The following FRMPD1 variants were observed in gnomAD, a reference collection of about 807,000 sequenced individuals.
FRMPD1 encodes the protein FERM and PDZ domain-containing protein 1.
In FRMPD1, 76 loss-of-function variants were observed where a neutral mutation model predicts 117.8. The observed-to-expected ratio is 0.65, with a 90% CI of 0.54 to 0.78. The LOEUF (loss-of-function observed/expected upper bound fraction) is 0.78. FRMPD1 is among the 30% of genes least tolerant of loss of function. The pLI is 0.00. For synonymous variants in FRMPD1, 783 were observed against 770.4 expected (o/e 1.02, Z -0.27); for missense variants, 1,786 against 1,964.5 (o/e 0.91, Z 1.72).
At chr9:37,735,116 T>C (rs1824060171) in intron 12 of FRMPD1, among the ~76,000 whole-genome samples, 1 of 152,086 alleles carries the variant, frequency 6.6e-6, no homozygotes, top group Non-Finnish European at 1.5e-5. Flanking sequence ...TCAGTGCTAG[T>C]AGAGAAGTAA....
chr9:37,740,112 G>C lies in FRMPD1; in HGVS notation c.1584G>C (p.Glu528Asp), dbSNP rs558698683. The stretch of plus-strand genomic sequence containing the variant: ...CCAGGGCCTGCAGTGACTCAGAGGA[G>C]TCCTCTGAGGTGGACTGCGTACTCG... ...YESRACSDSE[E>D]SSEVDCVLEP... is the part of the protein sequence containing the mutation. The change falls in exon 15 of 16, where the codon GAG becomes GAC. Residue 528 changes from glutamate to aspartate, a missense_variant. Coordinates refer to ENST00000377765, the MANE Select transcript of FRMPD1 (RefSeq NM_014907.3). The surrounding 1 kb of genome is among the most constrained non-coding windows in gnomAD (Gnocchi z 4.2). 6.2e-7 allele frequency: 1 copy of C among 1,610,560 alleles called. No individual in the cohort carries two copies. Among genetic ancestry groups the C allele is most frequent in the East Asian group, 2.2e-5 (1 of 44,868 alleles).
chr9:37,726,999 G>A (rs1037890809), intron 7 of FRMPD1, among the ~76,000 whole-genome samples: 11 of 152,188 alleles, frequency 7.2e-5, no homozygotes, highest in Admixed American at 6.5e-4. Flanking sequence ...CAAGAGTGAT[G>A]TGTGAAGGCA....
chr9:37,633,592 C>A, the FRMPD1 span, among the ~76,000 whole-genome samples: 279 of 152,318 alleles, frequency 1.8e-3, 7 homozygotes, highest in South Asian at 0.057. Flanking sequence ...GGTGCAGTGG[C>A]TCACGCCTAG....
intron 12 of FRMPD1, 34 bp from the exon 13 acceptor site, chr9:37,735,518 G>A (rs577256514): frequency 5.9e-6 from 9 of 1,516,516 alleles, no homozygotes; most frequent in South Asian, 5.7e-5. Context: ...ACTCGCTTGC[G>A]AATGGAGACT....
chr9:37,745,965 G>T lies in FRMPD1; in HGVS notation c.3933G>T (p.Arg1311Ser), dbSNP rs748281395. 1.2e-6 allele frequency: 2 copies of T among 1,614,216 alleles called. No individual in the cohort carries two copies. The highest frequency in any genetic ancestry group is 2.2e-5 in the East Asian group (1 of 44,888). ...ATCCTGAAGTCTCTGCCAGTCTCAGGGTGGCCACATCTTTGGGTTTTGCAG... is the reference window on the plus strand; with the variant it reads ...ATCCTGAAGTCTCTGCCAGTCTCAGTGTGGCCACATCTTTGGGTTTTGCAG... ...ESHPEVSASL[R>S]VATSLGFAGM... Residue 1311 changes from arginine to serine, a missense_variant, in exon 16 of 16, where the codon AGG becomes AGT. By Grantham distance (110) the Arg-to-Ser change is moderately radical (BLOSUM62 -1). Coordinates refer to ENST00000377765, the MANE Select transcript of FRMPD1 (RefSeq NM_014907.3).
In FRMPD1 at chr9:37,745,274, AGCC is replaced by A; in HGVS notation, c.3243_3245del (p.Glu1081_Pro1082delinsAsp). 1 of 1,612,488 alleles carries A rather than the reference AGCC, an allele frequency of 6.2e-7. No homozygotes were observed. Among genetic ancestry groups the A allele is most frequent in the Non-Finnish European group, 8.5e-7 (1 of 1,178,470 alleles). ...GAGCCTTTGTTGTCTCCTAGAGATG[AGCC>A]TAGAAGTGATGAATGTGGAATAAAT... is the stretch of plus-strand genomic sequence containing the variant. On this transcript the variant is annotated inframe_deletion, in exon 16 of 16. Transcript: ENST00000377765.
chr9:37,699,169 G>A (rs564216770), intron 2 of FRMPD1, among the ~76,000 whole-genome samples: 1 of 151,612 alleles, frequency 6.6e-6, no homozygotes. Flanking sequence ...ACCGTGACCA[G>A]CCTCATTACC....
Position 37,735,678 on chromosome 9 carries a change from C to G in FRMPD1, c.1345C>G (p.Leu449Val), listed in dbSNP as rs1462941514. 1 of 1,613,782 alleles carries G rather than the reference C, an allele frequency of 6.2e-7. No individual in the cohort carries two copies. Among genetic ancestry groups the G allele is most frequent in the African/African-American group, 1.3e-5 (1 of 74,874 alleles). The change falls in exon 13 of 16, where the codon CTA becomes GTA. Residue 449 changes from leucine (L) to valine (V), a missense_variant. By Grantham distance (32) the Leu-to-Val change is conservative. Coordinates refer to ENST00000377765, the MANE Select transcript of FRMPD1 (RefSeq NM_014907.3). ...GTTTGCAAACATCAGCCGTGTAGAG[C>G]TAACGGAAGAGTCTGAGAAAGTGAG... Reference protein sequence around the residue: ...AEFANISRVELTEESEKVSVV... With the variant: ...AEFANISRVEVTEESEKVSVV...
chr9:37,638,064 C>T, the FRMPD1 span, among the ~76,000 whole-genome samples: 253 of 86,572 alleles, frequency 2.9e-3, 3 homozygotes, highest in African/African-American at 0.01. Context: ...TCTTTCTTTC[C>T]TTCTTTTCTT....
chr9:37,618,437 A>T, the FRMPD1 span, among the ~76,000 whole-genome samples: 1 of 151,696 alleles, frequency 6.6e-6, no homozygotes, highest in Admixed American at 6.6e-5. Context: ...GGAATACTAC[A>T]CTCATCCCGA....
intron 6 of FRMPD1, among the ~76,000 whole-genome samples, chr9:37,721,826 A>T (rs1003638903): frequency 2.0e-5 from 3 of 152,250 alleles, no homozygotes; most frequent in Non-Finnish European, 2.9e-5. Context: ...AAAATTATGA[A>T]CATTAAGCCC....
chr9:37,737,379 T>C, intron 14 of FRMPD1, 136 bp downstream of exon 14: 1 of 667,246 alleles, frequency 1.5e-6, no homozygotes, highest in Non-Finnish European at 2.5e-6. Context: ...TTTCTCTGTT[T>C]ATTTCCTAGT....
chr9:37,699,904 C>T (rs944924899), intron 2 of FRMPD1, among the ~76,000 whole-genome samples: 7 of 147,850 alleles, frequency 4.7e-5, no homozygotes, highest in Admixed American at 1.3e-4. Flanking sequence ...TGCATGCACG[C>T]ACACACACAC....
intron 10 of FRMPD1, among the ~76,000 whole-genome samples, chr9:37,732,801 T>C (rs1823949232): frequency 6.6e-6 from 1 of 152,192 alleles, no homozygotes; most frequent in Non-Finnish European, 1.5e-5. Flanking sequence ...TCCTATTGCA[T>C]TATGTCTCCA....
At chr9:37,684,921 C>CT (rs1821867986) in intron 1 of FRMPD1, among the ~76,000 whole-genome samples, 1 of 152,030 alleles carries the variant, frequency 6.6e-6, no homozygotes, top group Admixed American at 6.6e-5. Context: ...GTTCAGCTAA[C>CT]TTTTTTTATT....
chr9:37,741,064 A>G, intron 15 of FRMPD1, 180 bp downstream of exon 15: 2 of 607,220 alleles, frequency 3.3e-6, no homozygotes, highest in Non-Finnish European at 5.9e-6. Flanking sequence ...GCAGGCCTGC[A>G]AGGGAGGTTC....
At chr9:37,674,013 C>T (rs1447447936) in intron 1 of FRMPD1, among the ~76,000 whole-genome samples, 2 of 152,370 alleles carry the variant, frequency 1.3e-5, no homozygotes, top group East Asian at 1.9e-4. Context: ...ACATTAGGCT[C>T]CTTGCTACTT....
At chr9:37,633,011 CATATATTATAT>C in the FRMPD1 span, among the ~76,000 whole-genome samples, 8 of 86,160 alleles carry the variant, frequency 9.3e-5, no homozygotes, top group African/African-American at 3.6e-4. Context: ...TTTCTTTCTA[CATATATTATAT>C]ATATATATAT....
chr9:37,705,264 T>C (rs948697123), intron 2 of FRMPD1, among the ~76,000 whole-genome samples: 24 of 152,212 alleles, frequency 1.6e-4, no homozygotes, highest in African/African-American at 5.5e-4. Flanking sequence ...ATTCCTCTTG[T>C]CATTTTTCCT....
Sources: allele counts gnomAD v4.1 joint callset (sites outside exome capture counted in the v4.1 genomes callset), GRCh38; gene constraint gnomAD v4.1.1; non-coding constraint Gnocchi (gnomAD v3.1); transcripts MANE v1.5; gene names NCBI Gene and HGNC (gene_info 2026-07-23, HGNC 2026-07-21).